Variants in PPFIA2 observed in about 807,000 individuals in gnomAD.
PPFIA2 encodes PPFI scaffold protein A2, also known as liprin-alpha-2.
Under a neutral mutation model 175.5 loss-of-function variants are expected in PPFIA2, and 46 were observed. That is an observed-to-expected ratio of 0.26 (90% CI 0.21 to 0.34). PPFIA2 has a LOEUF of 0.34. Ranked by LOEUF, PPFIA2 falls within the 10% of genes least tolerant of loss-of-function variation. The pLI, the probability that PPFIA2 is intolerant of heterozygous loss-of-function variation, is 1.00. For missense variants in PPFIA2, 1,179 were observed against 1,506.1 expected (o/e 0.78, Z 3.60); for synonymous variants, 568 against 511.4 (o/e 1.11, Z -1.49).
chr12:81,519,965 T>C (rs1233529230), intron 4 of PPFIA2, among the ~76,000 whole-genome samples: 1 of 152,200 alleles, frequency 6.6e-6, no homozygotes, highest in African/African-American at 2.4e-5. Context: ...AGGACAATTA[T>C]AACAACATAC....
rs2042449476 is a variant in PPFIA2, at chr12:81,283,108, A to C, written c.2989-69T>G. The C allele has an allele frequency of 4.0e-6, 6 of 1,491,498 alleles. No homozygotes were observed. The Admixed American group carries it at 1.1e-4, about 27-fold the overall frequency. The allele number at this position is 1,491,498 out of a possible 1,614,324, so 92.4% of individuals were successfully genotyped here. On this transcript the variant is annotated intron_variant, in intron 25 of 32. Transcript: ENST00000549396. ...AATTAATTTCAAATCAATACAGTAA[A>C]ATTTTTCTAGCAGAAGCAAAATTGT... is the stretch of plus-strand genomic sequence containing the variant.
chr12:81,601,058 G>A (rs1204334370), intron 4 of PPFIA2, among the ~76,000 whole-genome samples: 1 of 151,786 alleles, frequency 6.6e-6, no homozygotes, highest in African/African-American at 2.4e-5. Flanking sequence ...TATTTTAGCT[G>A]GGAATTATGA....
At chr12:81,734,924 T>C (rs964965881) in intron 3 of PPFIA2, among the ~76,000 whole-genome samples, 1 of 151,936 alleles carries the variant, frequency 6.6e-6, no homozygotes, top group East Asian at 2.0e-4. Context: ...TCATGTAATA[T>C]GTAATCTTTT....
At chr12:81,645,697 T>C (rs1356478744) in intron 4 of PPFIA2, among the ~76,000 whole-genome samples, 2 of 152,216 alleles carry the variant, frequency 1.3e-5, no homozygotes, top group African/African-American at 4.8e-5. Flanking sequence ...TGTTTAATTA[T>C]CAGCAGAACA....
At chr12:81,742,014 C>A (rs894256668) in intron 3 of PPFIA2, among the ~76,000 whole-genome samples, 1 of 152,112 alleles carries the variant, frequency 6.6e-6, no homozygotes, top group African/African-American at 2.4e-5. Context: ...GACAACTTTT[C>A]CAAGCCTAGA....
chr12:81,628,109 C>A (rs919124027), intron 4 of PPFIA2, among the ~76,000 whole-genome samples: 1 of 151,996 alleles, frequency 6.6e-6, no homozygotes, highest in Non-Finnish European at 1.5e-5. Flanking sequence ...AAATAAAGTT[C>A]CAATGTTATA....
chr12:81,286,660 T>C (rs1258861759), intron 24 of PPFIA2, among the ~76,000 whole-genome samples: 1 of 152,032 alleles, frequency 6.6e-6, no homozygotes, highest in Non-Finnish European at 1.5e-5. Flanking sequence ...TCAGAACATA[T>C]ATCTGCATTA....
intron 4 of PPFIA2, among the ~76,000 whole-genome samples, chr12:81,662,002 G>C (rs1170857634): frequency 6.6e-6 from 1 of 152,058 alleles, no homozygotes; most frequent in Non-Finnish European, 1.5e-5. Context: ...CGAAACCAAC[G>C]AGAACAAAGA....
intron 23 of PPFIA2, among the ~76,000 whole-genome samples, chr12:81,297,240 G>A (rs1193849783): frequency 6.6e-6 from 1 of 152,166 alleles, no homozygotes; most frequent in Non-Finnish European, 1.5e-5. Context: ...GAGAGACTCT[G>A]AGCAGAGGCC....
intron 4 of PPFIA2, among the ~76,000 whole-genome samples, chr12:81,481,174 C>A (rs534312163): frequency 6.6e-6 from 1 of 152,200 alleles, no homozygotes; most frequent in Admixed American, 6.5e-5. Flanking sequence ...CATAGGAATA[C>A]AACTCACAAG....
At chr12:81,693,959 T>G (rs895318253) in intron 3 of PPFIA2, among the ~76,000 whole-genome samples, 1 of 152,074 alleles carries the variant, frequency 6.6e-6, no homozygotes, top group Non-Finnish European at 1.5e-5. Flanking sequence ...GGGTATTTGA[T>G]GAAAGAAATT....
intron 29 of PPFIA2, 71 bp downstream of exon 29, chr12:81,267,841 T>G: frequency 7.0e-7 from 1 of 1,423,142 alleles, no homozygotes; most frequent in Non-Finnish European, 9.5e-7. Flanking sequence ...CACAGCCAAT[T>G]TTTTTCTAAA....
intron 20 of PPFIA2, among the ~76,000 whole-genome samples, chr12:81,340,230 A>G (rs958775071): frequency 3.9e-5 from 6 of 152,238 alleles, no homozygotes; most frequent in African/African-American, 9.6e-5. Context: ...CACATTAACA[A>G]CAAAAAATAG....
chr12:81,511,425 C>T (rs2061784016), intron 4 of PPFIA2, among the ~76,000 whole-genome samples: 1 of 151,662 alleles, frequency 6.6e-6, no homozygotes, highest in Admixed American at 6.6e-5. Context: ...CAATAATATC[C>T]ATAGGTAAAA....
chr12:81,749,457 T>C (rs2083464653), intron 3 of PPFIA2, among the ~76,000 whole-genome samples: 1 of 143,966 alleles, frequency 6.9e-6, no homozygotes, highest in South Asian at 2.3e-4. Flanking sequence ...AAACAAATTT[T>C]AAACTTCTAC....
intron 4 of PPFIA2, among the ~76,000 whole-genome samples, chr12:81,469,021 T>C (rs1017485368): frequency 3.3e-5 from 5 of 152,194 alleles, no homozygotes; most frequent in Admixed American, 6.5e-5. Flanking sequence ...TGTAGTTGTC[T>C]GGCAATAGAG....
At chr12:81,733,537 C>A (rs2081196745) in intron 3 of PPFIA2, among the ~76,000 whole-genome samples, 3 of 151,608 alleles carry the variant, frequency 2.0e-5, no homozygotes, top group Admixed American at 2.0e-4. Flanking sequence ...GTCTCTGACA[C>A]TTACCAGTAA....
rs551618591 is a variant in PPFIA2, at chr12:81,616,521, G to A, written c.303+60270C>T. 3.3e-5 allele frequency among the ~76,000 whole-genome samples: 5 copies of A among 152,178 alleles called. No homozygotes were observed. In the East Asian group the frequency reaches 7.7e-4, roughly 24 times the overall value. On this transcript the variant is annotated intron_variant, in intron 4 of 32. Coordinates refer to ENST00000549396, the MANE Select transcript of PPFIA2 (RefSeq NM_003625.5). ...ATATTGACACTGAATTATTAAGAAC[G>A]TCATGGATCACAACCACTTAACTGG...
chr12:81,575,337 G>A lies in PPFIA2; in HGVS notation c.303+101454C>T, dbSNP rs1222887071. Among the ~76,000 whole-genome samples, 4 of 151,940 alleles carry A rather than the reference G, an allele frequency of 2.6e-5. No homozygotes were observed. The East Asian group carries it at 7.8e-4, about 29-fold the overall frequency. On this transcript the variant is annotated intron_variant, in intron 4 of 32. Coordinates refer to ENST00000549396, the MANE Select transcript of PPFIA2 (RefSeq NM_003625.5). ...GTTAGGTTTTATGACAAAGCAGATA[G>A]TTACAAATTCATTACTACTGCTGAA...
Sources: allele counts gnomAD v4.1 joint callset (sites outside exome capture counted in the v4.1 genomes callset), GRCh38; gene constraint gnomAD v4.1.1; transcripts MANE v1.5; gene names NCBI Gene and HGNC (gene_info 2026-07-23, HGNC 2026-07-21).